KIF15: variants seen among roughly 807,000 people sequenced by gnomAD.
The protein encoded by KIF15 is kinesin-like protein KIF15.
KIF15 carries 140 observed loss-of-function variants against 190.6 expected under a neutral mutation model. The observed-to-expected ratio is 0.73, with a 90% CI of 0.64 to 0.84. KIF15 has a LOEUF of 0.84. Among genes scored for constraint, KIF15 ranks in the 40% least tolerant of loss-of-function variants. KIF15 has a pLI of 0.00. For missense variants in KIF15, 1,372 were observed against 1,584.4 expected (o/e 0.87, Z 2.28); for synonymous variants, 528 against 551.3 (o/e 0.96, Z 0.59).
chr3:44,827,018 G>A (rs1471453145), intron 22 of KIF15: 16 of 456,502 alleles, frequency 3.5e-5, no homozygotes, highest in East Asian at 1.4e-4. Flanking sequence ...AGTGGTGAAC[G>A]TAGAGCTTAC....
rs568612528 is a variant in KIF15 at position 44,780,943 on chromosome 3, G to C, written c.361+21G>C. On this transcript the variant is annotated intron_variant, in intron 5 of 34. Transcript: ENST00000326047. The stretch of plus-strand genomic sequence containing the variant: ...GATGGGTAAGTAAAGATTAACTTTT[G>C]TTGGCTTAATCTACTCTTTCTGTGA... 52 of 1,571,980 alleles carry C rather than the reference G, an allele frequency of 3.3e-5. No individual in the cohort carries two copies. The South Asian group carries it at 5.2e-4, about 16-fold the overall frequency.
intron 30 of KIF15, among the ~76,000 whole-genome samples, chr3:44,844,287 A>T (rs1698745978): frequency 6.6e-6 from 1 of 152,164 alleles, no homozygotes; most frequent in Non-Finnish European, 1.5e-5. Flanking sequence ...TTCTTAAATG[A>T]TTCTCTTCAA....
At chr3:44,809,999 A>G (rs150673644) in intron 16 of KIF15, among the ~76,000 whole-genome samples, 2,940 of 152,188 alleles carry the variant, frequency 0.019, 78 homozygotes, top group African/African-American at 0.064. Context: ...CCTGGGAGGC[A>G]GAGGTTGTGG....
Position 44,820,325 on chromosome 3 carries a change from TCTTTTTTTTTTC to T in KIF15, c.2549+5261_2549+5272del, listed in dbSNP as rs1309533192. Among the ~76,000 whole-genome samples, 465 of 150,456 alleles carry T rather than the reference TCTTTTTTTTTTC, an allele frequency of 3.1e-3. 8 individuals carry two copies. The East Asian group carries it at 0.046, about 15-fold the overall frequency. On this transcript the variant is annotated intron_variant, in intron 20 of 34. Transcript: ENST00000326047. ...ATTTTGCTCGTTAGTTGATGCAGTTTCTTTTTTTTTTCCTTTTTTTTTTTTAAACTTTTATTT... is the reference window on the plus strand; with the variant it reads ...ATTTTGCTCGTTAGTTGATGCAGTTTCTTTTTTTTTTTTAAACTTTTATTT...
At chr3:44,799,375 G>A (rs1044230447) in intron 10 of KIF15, 27 of 455,834 alleles carry the variant, frequency 5.9e-5, no homozygotes, top group African/African-American at 4.2e-4. Flanking sequence ...TTTTCCGTGA[G>A]CAAATTGGGC....
intron 5 of KIF15, among the ~76,000 whole-genome samples, chr3:44,782,950 T>A (rs1374982965): frequency 6.6e-6 from 1 of 152,188 alleles, no homozygotes; most frequent in African/African-American, 2.4e-5. Flanking sequence ...TGGATTTTGT[T>A]TTGAATATGA....
At chr3:44,823,448 A>G (rs370312772) in intron 20 of KIF15, among the ~76,000 whole-genome samples, 5 of 152,204 alleles carry the variant, frequency 3.3e-5, no homozygotes, top group African/African-American at 7.2e-5. Context: ...GGTTTATCCC[A>G]GTTAGGCTAC....
chr3:44,847,676 G>C (rs144762938), intron 30 of KIF15, among the ~76,000 whole-genome samples: 1 of 152,170 alleles, frequency 6.6e-6, no homozygotes, highest in Non-Finnish European at 1.5e-5. Flanking sequence ...TCGATCTTCA[G>C]ATGTTACCAC....
At chr3:44,788,485 G>A (rs1172651115) in intron 7 of KIF15, among the ~76,000 whole-genome samples, 2 of 148,574 alleles carry the variant, frequency 1.3e-5, no homozygotes, top group African/African-American at 2.5e-5. Context: ...ACAGGGTCTC[G>A]CTCTGTCACC....
downstream of KIF15, among the ~76,000 whole-genome samples, chr3:44,856,037 G>T (rs1380697652): frequency 6.6e-6 from 1 of 152,140 alleles, no homozygotes; most frequent in African/African-American, 2.4e-5. Flanking sequence ...AATACCAAGA[G>T]CCTGAGAAAC....
chr3:44,826,033 A>G lies in KIF15; in HGVS notation c.2550-6A>G, dbSNP rs59678460. The G allele has an allele frequency of 2.2e-3, 3,495 of 1,576,306 alleles. 64 individuals carry two copies. In the African/African-American group the frequency reaches 0.041, roughly 18 times the overall value. ...TTACCATTTTTAAAATGTTTTCCTT[A>G]TAAAGGTTAGAAAACGAAAAGCTGC... On this transcript the variant is annotated splice_polypyrimidine_tract_variant and splice_region_variant and intron_variant, in intron 20 of 34. Transcript: ENST00000326047.
intron 6 of KIF15, chr3:44,863,498 TC>T (rs1415973890): frequency 2.0e-5 from 3 of 152,184 alleles, no homozygotes; most frequent in Non-Finnish European, 4.4e-5. Flanking sequence ...AGGTGGTGTT[TC>T]CCTCAGGCAA....
chr3:44,786,441 T>A lies in KIF15; in HGVS notation c.506T>A (p.Ile169Asn). The change falls in exon 7 of 35, where the codon ATC becomes AAC. Residue 169 changes from isoleucine (I) to asparagine (N), a missense_variant. Coordinates refer to ENST00000326047, the MANE Select transcript of KIF15 (RefSeq NM_020242.3). ...SFLCKCSFIEIYNEQIYDLLD... is the reference protein window; with the variant it reads ...SFLCKCSFIENYNEQIYDLLD... ...CTTTGTAAGTGTTCCTTTATTGAAA[T>A]CTACAACGAGCAGATATATGATCTA... 1 of 1,611,716 alleles carries A rather than the reference T, an allele frequency of 6.2e-7. No homozygotes were observed.
intron 29 of KIF15, among the ~76,000 whole-genome samples, chr3:44,841,556 C>G (rs1698608392): frequency 1.3e-5 from 2 of 152,010 alleles, no homozygotes; most frequent in South Asian, 4.1e-4. Context: ...CGCCACCACA[C>G]TCGGCTAATT....
intron 6 of KIF15, chr3:44,864,475 C>G: frequency 2.9e-6 from 3 of 1,042,526 alleles, no homozygotes; most frequent in Non-Finnish European, 4.2e-6. Context: ...TGGCTTGACC[C>G]CTGGATGAGT....
intron 1 of KIF15, among the ~76,000 whole-genome samples, chr3:44,767,104 C>T (rs1705425841): frequency 6.6e-6 from 1 of 152,058 alleles, no homozygotes; most frequent in Non-Finnish European, 1.5e-5. Context: ...GCCACCGTGC[C>T]CGGCCAACTT....
At chr3:44,852,638 A>G (rs1559597741) in intron 34 of KIF15, 35 bp from the exon 35 acceptor site, 1 of 1,483,046 alleles carries the variant, frequency 6.7e-7, no homozygotes, top group Non-Finnish European at 9.2e-7. Flanking sequence ...TTAGAGCCTT[A>G]TTTTTTTTCT....
At chr3:44,853,488 T>C (rs1200305983), downstream of KIF15, among the ~76,000 whole-genome samples, 1 of 152,238 alleles carries the variant, frequency 6.6e-6, no homozygotes, top group Non-Finnish European at 1.5e-5. Context: ...TTTAGGACTA[T>C]TATAAATAAT....
In KIF15 at chr3:44,801,981, A is replaced by G. The variant is rs771037068; in HGVS notation, c.1509+7A>G. ...TCAAACTCTGCGAGAACAAGTGAGTATACGGCATCTATAATATTTCTAAAA... is the reference window on the plus strand; with the variant it reads ...TCAAACTCTGCGAGAACAAGTGAGTGTACGGCATCTATAATATTTCTAAAA... On this transcript the variant is annotated splice_region_variant and intron_variant, in intron 13 of 34. Transcript: ENST00000326047. The G allele has an allele frequency of 1.9e-6, 3 of 1,565,922 alleles. No individual in the cohort carries two copies. Among genetic ancestry groups the G allele is most frequent in the South Asian group, 2.3e-5 (2 of 87,598 alleles).
Sources: allele counts gnomAD v4.1 joint callset (sites outside exome capture counted in the v4.1 genomes callset), GRCh38; gene constraint gnomAD v4.1.1; transcripts MANE v1.5; gene names NCBI Gene and HGNC (gene_info 2026-07-23, HGNC 2026-07-21).